COX6C: variants seen among roughly 807,000 people sequenced by gnomAD.
COX6C encodes the protein cytochrome c oxidase polypeptide VIc.
In COX6C, 3 loss-of-function variants were observed where a neutral mutation model predicts 6.9. The observed-to-expected ratio is 0.43, with a 90% CI of 0.20 to 1.12. The LOEUF (loss-of-function observed/expected upper bound fraction) is 1.12, where lower values mean the gene tolerates loss of function less well. Ranked by LOEUF, COX6C falls within the 50% of genes most tolerant of loss-of-function variation. COX6C has a pLI of 0.27. For synonymous variants in COX6C, 32 were observed against 32.0 expected (o/e 1.00, Z 0.00); for missense variants, 101 against 97.3 (o/e 1.04, Z -0.16).
At chr8:99,889,302 T>A (rs1209645392) in intron 2 of COX6C, among the ~76,000 whole-genome samples, 4 of 152,030 alleles carry the variant, frequency 2.6e-5, no homozygotes, top group African/African-American at 9.7e-5. Flanking sequence ...CCTAACTTTT[T>A]TTTTTGAGAC....
intron 2 of COX6C, among the ~76,000 whole-genome samples, chr8:99,889,376 A>G (rs973276940): frequency 7.3e-4 from 91 of 125,158 alleles, no homozygotes; most frequent in Non-Finnish European, 9.4e-4. Context: ...TGCAACCTCC[A>G]CCTCCCAATT....
chr8:99,883,370 C>T (rs1817893207), intron 3 of COX6C, among the ~76,000 whole-genome samples: 1 of 151,918 alleles, frequency 6.6e-6, no homozygotes, highest in Non-Finnish European at 1.5e-5. Context: ...TGTACCACCA[C>T]ACCCAGCTAA....
chr8:99,882,441 A>G (rs1015060908), intron 3 of COX6C, among the ~76,000 whole-genome samples: 1 of 152,236 alleles, frequency 6.6e-6, no homozygotes, highest in Admixed American at 6.5e-5. Context: ...AAATCCACAA[A>G]TGTGTTTAAA....
In COX6C at chr8:99,887,448, A is replaced by G. The variant is rs570759153; in HGVS notation, c.*15+42T>C. ...TCACCTGTATTTGCATTTTACCACA[A>G]TTAGAAATTTTTTTTTAAGTAACTT... On this transcript the variant is annotated intron_variant, in intron 3 of 3. Coordinates refer to ENST00000520468, the MANE Select transcript of COX6C (RefSeq NM_004374.4). 22 of 1,245,944 alleles carry G rather than the reference A, an allele frequency of 1.8e-5. No individual in the cohort carries two copies. In the East Asian group the frequency reaches 4.7e-4, roughly 27 times the overall value. The allele number at this position is 1,245,944 out of a possible 1,614,324, so 77.2% of individuals were successfully genotyped here.
At chr8:99,887,698 G>T in intron 2 of COX6C, 80 bp from the exon 3 acceptor site, 1 of 904,038 alleles carries the variant, frequency 1.1e-6, no homozygotes, top group Non-Finnish European at 1.6e-6. Flanking sequence ...TAAAGACAAG[G>T]TAGAACACAT....
chr8:99,879,224 TTTTCTAGA>T (rs1451026950), intron 3 of COX6C, among the ~76,000 whole-genome samples: 2 of 152,220 alleles, frequency 1.3e-5, no homozygotes, highest in Non-Finnish European at 2.9e-5. Context: ...CAGTCAGTCC[TTTTCTAGA>T]TAATAGAACT....
chr8:99,885,428 G>A (rs764250484), intron 3 of COX6C, among the ~76,000 whole-genome samples: 17 of 152,050 alleles, frequency 1.1e-4, no homozygotes, highest in African/African-American at 9.7e-5. Flanking sequence ...TAGATAAAAC[G>A]GACTACTGTA....
chr8:99,888,108 A>T (rs1817971638), intron 2 of COX6C, among the ~76,000 whole-genome samples: 1 of 150,846 alleles, frequency 6.6e-6, no homozygotes, highest in South Asian at 2.1e-4. Context: ...TAAAAAATAA[A>T]AAAAAATAAA....
intron 3 of COX6C, among the ~76,000 whole-genome samples, chr8:99,880,418 AAC>A (rs1773942589): frequency 6.6e-6 from 1 of 152,208 alleles, no homozygotes. Context: ...TGAGAATATA[AAC>A]AAAGAGAAAA....
At chr8:99,887,734 C>G in intron 2 of COX6C, 116 bp from the exon 3 acceptor site, 3 of 620,032 alleles carry the variant, frequency 4.8e-6, no homozygotes, top group Non-Finnish European at 7.7e-6. Context: ...TTAATTTAAA[C>G]CCTACATTTC....
chr8:99,887,037 A>C (rs76516251), intron 3 of COX6C: 1 of 152,342 alleles, frequency 6.6e-6, no homozygotes, highest in African/African-American at 2.4e-5. Context: ...TAAAACCATC[A>C]TAAGTTTAAA....
intron 2 of COX6C, among the ~76,000 whole-genome samples, chr8:99,889,042 G>A (rs1817991034): frequency 6.6e-6 from 1 of 152,108 alleles, no homozygotes; most frequent in Non-Finnish European, 1.5e-5. Flanking sequence ...ACCCTTCAAT[G>A]TTTCCATGTG....
chr8:99,893,126 C>T (rs980237395), intron 1 of COX6C: 3 of 152,242 alleles, frequency 2.0e-5, no homozygotes, highest in Non-Finnish European at 4.4e-5. Flanking sequence ...GCCCATCCTT[C>T]CCCTCCTGCG....
chr8:99,882,275 C>T (rs927138518), intron 3 of COX6C, among the ~76,000 whole-genome samples: 3 of 152,196 alleles, frequency 2.0e-5, no homozygotes, highest in African/African-American at 4.8e-5. Context: ...ACAGAATACA[C>T]ATTTTTCCCA....
At chr8:99,891,858 C>CA in intron 2 of COX6C, 50 bp downstream of exon 2, 1 of 1,558,052 alleles carries the variant, frequency 6.4e-7, no homozygotes, top group Non-Finnish European at 8.8e-7. Flanking sequence ...ATTTTTCAAC[C>CA]AAAAACACAT....
chr8:99,884,962 A>C (rs1426441263), intron 3 of COX6C, among the ~76,000 whole-genome samples: 1 of 152,222 alleles, frequency 6.6e-6, no homozygotes, highest in East Asian at 1.9e-4. Context: ...TCAAAATCCC[A>C]ATGGCATTTT....
Position 99,891,815 on chromosome 8 carries a change from G to A in COX6C, c.114+93C>T, listed in dbSNP as rs1231223691. 6 of 1,090,916 alleles carry A rather than the reference G, an allele frequency of 5.5e-6. No homozygotes were observed. In the East Asian group the frequency reaches 1.2e-4, roughly 21 times the overall value. The allele number at this position is 1,090,916 out of a possible 1,614,324, so 67.6% of individuals were successfully genotyped here. A position where few individuals can be genotyped will look rare whatever the true frequency, so the allele number is the denominator to read the frequency against. On this transcript the variant is annotated intron_variant, in intron 2 of 3. Coordinates refer to ENST00000520468, the MANE Select transcript of COX6C (RefSeq NM_004374.4). ...AGGTGAGTGCAGAAAGGGTTAGAAA[G>A]AAACACATTACAAGGGGGAGTTTCT...
chr8:99,883,471 A>ATAT (rs528881148), intron 3 of COX6C, among the ~76,000 whole-genome samples: 23 of 137,732 alleles, frequency 1.7e-4, no homozygotes, highest in East Asian at 4.1e-4. Context: ...ATATATATAT[A>ATAT]TTTTTTTTTT....
intron 3 of COX6C, 73 bp from the exon 4 acceptor site, chr8:99,878,338 T>C (rs1406937319): frequency 1.3e-5 from 2 of 152,172 alleles, no homozygotes; most frequent in Admixed American, 6.5e-5. Flanking sequence ...GAGGATCAAC[T>C]GAGGTCTATT....
Sources: allele counts gnomAD v4.1 joint callset (sites outside exome capture counted in the v4.1 genomes callset), GRCh38; gene constraint gnomAD v4.1.1; transcripts MANE v1.5; gene names NCBI Gene and HGNC (gene_info 2026-07-23, HGNC 2026-07-21).